TSPEAR: variants seen among roughly 807,000 people sequenced by gnomAD.
The protein encoded by TSPEAR is thrombospondin type laminin G domain and EAR repeats, also known as thrombospondin-type laminin G domain and EAR repeat-containing protein.
TSPEAR carries 69 observed loss-of-function variants against 71.6 expected under a neutral mutation model. That is an observed-to-expected ratio of 0.96 (90% confidence interval 0.79 to 1.18). The LOEUF is 1.18. TSPEAR is among the 50% of genes most tolerant of loss of function. TSPEAR has a pLI of 0.00. For synonymous variants in TSPEAR, 402 were observed against 387.2 expected, an observed-to-expected ratio of 1.04 and a Z score of -0.45; for missense variants, 971 against 894.9, an observed-to-expected ratio of 1.09 and a Z score of -1.09.
intron 9 of TSPEAR, chr21:44,517,901 G>T (rs1382305473): frequency 2.1e-5 from 10 of 468,516 alleles, no homozygotes; most frequent in African/African-American, 2.0e-4. Flanking sequence ...GATCTGGGCG[G>T]TTTTCTTCAA....
At chr21:44,696,983 CCAGA>C (rs371718074) in intron 1 of TSPEAR, among the ~76,000 whole-genome samples, 180 of 151,986 alleles carry the variant, frequency 1.2e-3, no homozygotes, top group Middle Eastern at 6.8e-3. Context: ...CTCCTAGCAC[CCAGA>C]CACTCACTCA....
At position 44,580,407 on chromosome 21, in the gene TSPEAR, G is replaced by A. The variant is rs142526502; in HGVS notation, c.83-12402C>T. The stretch of plus-strand genomic sequence containing the variant: ...GTGCAGCCTGATTGGCAGGGGCTGG[G>A]CTCACAGGCCGCCTGGCAGCAGGGG... On this transcript the variant is annotated intron_variant, in intron 1 of 11. Coordinates refer to ENST00000323084, the MANE Select transcript of TSPEAR (RefSeq NM_144991.3). 15,646 of 1,613,066 alleles carry A rather than the reference G, an allele frequency of 9.7e-3. 99 individuals carry two copies. The highest frequency in any genetic ancestry group is 0.011 in the Non-Finnish European group (13,370 of 1,179,758).
chr21:44,650,718 C>T (rs1417019442), intron 1 of TSPEAR, among the ~76,000 whole-genome samples: 3 of 152,218 alleles, frequency 2.0e-5, no homozygotes, highest in African/African-American at 4.8e-5. Context: ...CGGATGTCAA[C>T]ACGCCCTCCA....
chr21:44,583,136 C>G lies in TSPEAR; in HGVS notation c.83-15131G>C, dbSNP rs147245647. ...GGCATTACAGATGTGAGCCACTGCA[C>G]CCGGCCAGATCACATCATTTCTTAA... On this transcript the variant is annotated intron_variant, in intron 1 of 11. Coordinates refer to ENST00000323084, the MANE Select transcript of TSPEAR (RefSeq NM_144991.3). Among the ~76,000 whole-genome samples, 6 of 152,258 alleles carry G rather than the reference C, an allele frequency of 3.9e-5. No homozygotes were observed. In the East Asian group the frequency reaches 1.2e-3, roughly 29 times the overall value.
At chr21:44,595,321 G>C (rs1193775497) in intron 1 of TSPEAR, among the ~76,000 whole-genome samples, 1 of 152,130 alleles carries the variant, frequency 6.6e-6, no homozygotes, top group Non-Finnish European at 1.5e-5. Context: ...GTCTCCACCA[G>C]CACCGAATAA....
chr21:44,682,930 G>C (rs1318447834), intron 1 of TSPEAR, among the ~76,000 whole-genome samples: 4 of 152,134 alleles, frequency 2.6e-5, no homozygotes, highest in African/African-American at 9.7e-5. Context: ...AGCTGACTGT[G>C]AATCTGTGGA....
intron 1 of TSPEAR, among the ~76,000 whole-genome samples, chr21:44,673,839 G>T (rs141293358): frequency 2.7e-4 from 41 of 151,942 alleles, no homozygotes; most frequent in Non-Finnish European, 5.6e-4. Flanking sequence ...TGTGGAAATT[G>T]AACAACATGT....
At chr21:44,692,794 TAC>T (rs1224248147) in intron 1 of TSPEAR, among the ~76,000 whole-genome samples, 1 of 152,030 alleles carries the variant, frequency 6.6e-6, no homozygotes, top group Admixed American at 6.5e-5. Flanking sequence ...CAAAGAAATC[TAC>T]AGATTCAATG....
intron 2 of TSPEAR, chr21:44,550,938 G>T (rs782386244): frequency 6.7e-7 from 1 of 1,484,790 alleles, no homozygotes; most frequent in Non-Finnish European, 9.1e-7. Context: ...CGGGGAGGAG[G>T]TGCAGCAAGC....
At chr21:44,675,699 C>T (rs1260795355) in intron 1 of TSPEAR, among the ~76,000 whole-genome samples, 4 of 152,176 alleles carry the variant, frequency 2.6e-5, no homozygotes, top group Non-Finnish European at 5.9e-5. Context: ...AGTTCACTGA[C>T]ATGATAGCAA....
At chr21:44,656,620 T>G (rs902859778) in intron 1 of TSPEAR, among the ~76,000 whole-genome samples, 3 of 152,204 alleles carry the variant, frequency 2.0e-5, no homozygotes, top group Non-Finnish European at 4.4e-5. Context: ...TGATTTTCAT[T>G]ACTCTTACTA....
At chr21:44,620,092 G>A (rs140535158) in intron 1 of TSPEAR, among the ~76,000 whole-genome samples, 93 of 152,328 alleles carry the variant, frequency 6.1e-4, no homozygotes, top group African/African-American at 2.1e-3. Context: ...GCAGTGGGAC[G>A]GAAGACTAAC....
intron 1 of TSPEAR, among the ~76,000 whole-genome samples, chr21:44,578,587 T>G (rs975702193): frequency 6.6e-6 from 1 of 152,136 alleles, no homozygotes; most frequent in African/African-American, 2.4e-5. Flanking sequence ...GGGATGCCCT[T>G]GGTGGGCTCT....
intron 1 of TSPEAR, chr21:44,574,765 C>A (rs782272510): frequency 6.2e-7 from 1 of 1,613,940 alleles, no homozygotes; most frequent in South Asian, 1.1e-5. Flanking sequence ...TCTGGGGCTT[C>A]CTCTTCATGC....
At position 44,612,308 on chromosome 21, in the gene TSPEAR, C is replaced by A. The variant is rs1555931244; in HGVS notation, c.83-44303G>T. 5 of 1,613,642 alleles carry A rather than the reference C, an allele frequency of 3.1e-6. No individual in the cohort carries two copies. Among genetic ancestry groups the A allele is most frequent in the Non-Finnish European group, 4.2e-6 (5 of 1,180,000 alleles). Reference sequence around the variant, plus strand: ...TACCCCTAGCTGCTGTGCCCCAGCCCCCTGCCTGGCCCTGGTCTGTGCCCC... The same window carrying A: ...TACCCCTAGCTGCTGTGCCCCAGCCACCTGCCTGGCCCTGGTCTGTGCCCC... On this transcript the variant is annotated intron_variant, in intron 1 of 11. Transcript: ENST00000323084. This position sits in a 1 kb window ranked among gnomAD's most constrained non-coding sequence, Gnocchi z 4.1.
At chr21:44,666,033 G>A (rs1985736676) in intron 1 of TSPEAR, among the ~76,000 whole-genome samples, 2 of 152,128 alleles carry the variant, frequency 1.3e-5, no homozygotes, top group Non-Finnish European at 2.9e-5. Context: ...AGACCACATG[G>A]GCATCTGCAG....
At chr21:44,574,624 T>C in intron 1 of TSPEAR, 1 of 1,288,644 alleles carries the variant, frequency 7.8e-7, no homozygotes, top group Non-Finnish European at 1.0e-6. Context: ...TCTGTGCCCA[T>C]CTGCTCTGGG....
At chr21:44,558,541 G>C (rs2053582176) in intron 2 of TSPEAR, 1 of 1,613,234 alleles carries the variant, frequency 6.2e-7, no homozygotes, top group Non-Finnish European at 8.5e-7. Context: ...CAGGCCGCCT[G>C]GCAGCAGGGG....
intron 1 of TSPEAR, among the ~76,000 whole-genome samples, chr21:44,589,855 G>A (rs1979640720): frequency 6.6e-6 from 1 of 152,220 alleles, no homozygotes; most frequent in Non-Finnish European, 1.5e-5. Flanking sequence ...CGCATGTGTG[G>A]GGAGCCCCTC....
Sources: allele counts gnomAD v4.1 joint callset (sites outside exome capture counted in the v4.1 genomes callset), GRCh38; gene constraint gnomAD v4.1.1; non-coding constraint Gnocchi (gnomAD v3.1); transcripts MANE v1.5; gene names NCBI Gene and HGNC (gene_info 2026-07-23, HGNC 2026-07-21).